Variants in BMPR2 observed in about 807,000 individuals in gnomAD.
BMPR2 encodes the protein bone morphogenetic protein receptor type-2.
In BMPR2, 29 loss-of-function variants were observed where a neutral mutation model predicts 100.8. The observed-to-expected ratio is 0.29, with a 90% CI of 0.21 to 0.39. The LOEUF (loss-of-function observed/expected upper bound fraction) is 0.39. BMPR2 is among the 10% of genes least tolerant of loss of function. The pLI is 1.00. For missense variants in BMPR2, 1,011 were observed against 1,274.5 expected (o/e 0.79, Z 3.15); for synonymous variants, 382 against 442.3 (o/e 0.86, Z 1.71).
At chr2:202,406,516 C>T (rs554641897) in intron 1 of BMPR2, among the ~76,000 whole-genome samples, 2 of 152,244 alleles carry the variant, frequency 1.3e-5, no homozygotes, top group African/African-American at 4.8e-5. Flanking sequence ...TAACAGGAGT[C>T]CTACTGTTTT....
intron 3 of BMPR2, among the ~76,000 whole-genome samples, chr2:202,484,008 C>A (rs2105975631): frequency 6.6e-6 from 1 of 152,280 alleles, no homozygotes; most frequent in African/African-American, 2.4e-5. Context: ...GCAGTTGGAT[C>A]ACTTAAGCCT....
chr2:202,502,155 C>T (rs1259135973), intron 3 of BMPR2, among the ~76,000 whole-genome samples: 2 of 152,220 alleles, frequency 1.3e-5, no homozygotes, highest in African/African-American at 2.4e-5. Flanking sequence ...ATCCTACATG[C>T]CCATGCTACA....
In BMPR2 at chr2:202,467,505, A is replaced by G. The variant is rs1476042094; in HGVS notation, c.248-14A>G. ...TCATATTGTCTCCTTTTTTGTATTC[A>G]TATTGATTTATAGGATGTTGGTCTC... is the stretch of plus-strand genomic sequence containing the variant. On this transcript the variant is annotated splice_polypyrimidine_tract_variant and intron_variant, in intron 2 of 12. Transcript: ENST00000374580. 1 of 1,537,054 alleles carries G rather than the reference A, an allele frequency of 6.5e-7. No individual in the cohort carries two copies. The highest frequency in any genetic ancestry group is 9.0e-7 in the Non-Finnish European group (1 of 1,110,390).
At chr2:202,516,446 G>A (rs1245305522) in intron 5 of BMPR2, among the ~76,000 whole-genome samples, 1 of 152,186 alleles carries the variant, frequency 6.6e-6, no homozygotes, top group African/African-American at 2.4e-5. Context: ...GGCCAAAGTG[G>A]GTGGATTGCT....
At chr2:202,438,313 CAAATAAAT>C (rs554878848) in intron 1 of BMPR2, among the ~76,000 whole-genome samples, 19 of 150,096 alleles carry the variant, frequency 1.3e-4, no homozygotes, top group Admixed American at 5.9e-4. Flanking sequence ...AACTCCGTCT[CAAATAAAT>C]AAATAAATAA....
At chr2:202,397,608 G>A (rs1480436861) in intron 1 of BMPR2, among the ~76,000 whole-genome samples, 1 of 150,302 alleles carries the variant, frequency 6.7e-6, no homozygotes, top group African/African-American at 2.4e-5. Context: ...AAACAATTCT[G>A]CTGCCTTAGC....
At chr2:202,514,174 C>A (rs911316917) in intron 4 of BMPR2, among the ~76,000 whole-genome samples, 1 of 152,162 alleles carries the variant, frequency 6.6e-6, no homozygotes, top group Admixed American at 6.5e-5. Context: ...GTCTCGCTGT[C>A]GCCCAGGTTG....
intron 1 of BMPR2, among the ~76,000 whole-genome samples, chr2:202,453,701 G>A (rs1692033796): frequency 1.3e-5 from 2 of 152,140 alleles, no homozygotes; most frequent in African/African-American, 4.8e-5. Context: ...CAGAAGTGGG[G>A]ATGGTTAATG....
chr2:202,529,234 TG>T (rs1687971668), intron 7 of BMPR2, among the ~76,000 whole-genome samples: 1 of 152,248 alleles, frequency 6.6e-6, no homozygotes, highest in Non-Finnish European at 1.5e-5. Context: ...TGACTATTTT[TG>T]GTCAGGTTTT....
chr2:202,460,830 T>TG (rs1313576400), intron 1 of BMPR2, among the ~76,000 whole-genome samples: 1 of 151,404 alleles, frequency 6.6e-6, no homozygotes, highest in Non-Finnish European at 1.5e-5. Flanking sequence ...TTTTTTTTTT[T>TG]TTTTTTAAGA....
chr2:202,502,541 T>C (rs1320431966), intron 3 of BMPR2, among the ~76,000 whole-genome samples: 1 of 152,020 alleles, frequency 6.6e-6, no homozygotes, highest in Non-Finnish European at 1.5e-5. Flanking sequence ...GGTAAATTTC[T>C]ATCTACCCAG....
At position 202,377,308 on chromosome 2, in the gene BMPR2, A is replaced by G. The variant is rs985930316; in HGVS notation, c.-167A>G. 24 of 710,640 alleles carry G rather than the reference A, an allele frequency of 3.4e-5. No individual in the cohort carries two copies. The highest frequency in any genetic ancestry group is 3.1e-4 in the African/African-American group (18 of 57,170). 44.0% of individuals were successfully genotyped at this position (710,640 alleles called of 1,614,324 possible). ...GAAGGGAATTTCTGCAGCGGCATGA[A>G]AGCTCTGCAGCTAGGTCCTCTCATC... On this transcript the variant is annotated 5_prime_UTR_variant, in exon 1 of 13. Coordinates refer to ENST00000374580, the MANE Select transcript of BMPR2 (RefSeq NM_001204.7).
intron 1 of BMPR2, among the ~76,000 whole-genome samples, chr2:202,435,376 C>CATACATATATATAT (rs1553500538): frequency 9.7e-6 from 1 of 103,448 alleles, no homozygotes; most frequent in Non-Finnish European, 1.8e-5. Flanking sequence ...AAAAAAAATA[C>CATACATATATATAT]ATATATATAT....
chr2:202,452,839 G>T (rs1692015379), intron 1 of BMPR2, among the ~76,000 whole-genome samples: 1 of 152,200 alleles, frequency 6.6e-6, no homozygotes, highest in African/African-American at 2.4e-5. Context: ...TGGGGATTGT[G>T]TGCATAAGTA....
intron 1 of BMPR2, among the ~76,000 whole-genome samples, chr2:202,422,345 C>T (rs999863634): frequency 5.3e-5 from 8 of 150,836 alleles, no homozygotes; most frequent in Non-Finnish European, 8.9e-5. Flanking sequence ...CTTGCTCTGT[C>T]GCCCAGGCTG....
Position 202,559,751 on chromosome 2 carries a change from T to G in BMPR2, c.2922T>G (p.Arg974=), listed in dbSNP as rs1337911144. 1.2e-6 allele frequency: 2 copies of G among 1,614,054 alleles called. No homozygotes were observed. Among genetic ancestry groups the G allele is most frequent in the African/African-American group, 2.7e-5 (2 of 74,918 alleles). Residue 974 remains arginine, a synonymous_variant, in exon 13 of 13, where the codon CGT becomes CGG. Transcript: ENST00000374580. ...KSGSGEKIKK[R]VKTPYSLKRW... is the part of the protein sequence containing the mutation. ...GATCAGGTGAAAAGATCAAGAAACG[T>G]GTGAAAACTCCCTATTCTCTTAAGC...
intron 7 of BMPR2, 85 bp downstream of exon 7, chr2:202,520,286 G>GA: frequency 1.1e-6 from 1 of 896,326 alleles, no homozygotes; most frequent in Non-Finnish European, 1.8e-6. Context: ...CAAAGTAAAA[G>GA]TATAATTTAT....
chr2:202,517,221 T>TA (rs757696369), intron 5 of BMPR2, among the ~76,000 whole-genome samples: 386 of 130,142 alleles, frequency 3.0e-3, no homozygotes, highest in African/African-American at 7.9e-3. Context: ...CTATCTCAAT[T>TA]AAAAAAAAAA....
chr2:202,469,403 A>G (rs1022712980), intron 3 of BMPR2: 1 of 206,048 alleles, frequency 4.9e-6, no homozygotes, highest in Admixed American at 5.3e-5. Context: ...AAAATTAAGT[A>G]CCTAACAATG....
Sources: allele counts gnomAD v4.1 joint callset (sites outside exome capture counted in the v4.1 genomes callset), GRCh38; gene constraint gnomAD v4.1.1; transcripts MANE v1.5; gene names NCBI Gene and HGNC (gene_info 2026-07-23, HGNC 2026-07-21).